The following L3MBTL4 variants were observed in gnomAD, a reference collection of about 807,000 sequenced individuals.
L3MBTL4 encodes the protein lethal(3)malignant brain tumor-like protein 4.
In L3MBTL4, 70 loss-of-function variants were observed where a neutral mutation model predicts 84.5. The ratio of observed to expected loss-of-function variants is 0.83; its 90% CI spans 0.68 to 1.01. L3MBTL4 has a LOEUF of 1.01. Ranked by LOEUF, L3MBTL4 falls within the 50% of genes least tolerant of loss-of-function variation. The pLI is 0.00. For missense variants in L3MBTL4, 715 were observed against 754.8 expected (o/e 0.95, Z 0.62); for synonymous variants, 274 against 259.8 (o/e 1.05, Z -0.52).
chr18:6,343,105 G>C (rs1407511363), intron 1 of L3MBTL4, among the ~76,000 whole-genome samples: 1 of 152,128 alleles, frequency 6.6e-6, no homozygotes, highest in African/African-American at 2.4e-5. Context: ...CAGAACTGAA[G>C]GGACTGAAGG....
At chr18:6,013,772 T>C (rs2145415913) in intron 16 of L3MBTL4, among the ~76,000 whole-genome samples, 1 of 152,376 alleles carries the variant, frequency 6.6e-6, no homozygotes, top group Middle Eastern at 3.4e-3. Context: ...GTTTTGTCTA[T>C]GATGATCCTC....
chr18:6,013,269 G>A (rs1270195008), intron 16 of L3MBTL4, among the ~76,000 whole-genome samples: 1 of 152,170 alleles, frequency 6.6e-6, no homozygotes, highest in East Asian at 1.9e-4. Flanking sequence ...GAACATCATA[G>A]TGAAGGGAAG....
intron 1 of L3MBTL4, among the ~76,000 whole-genome samples, chr18:6,412,521 C>T (rs1379444350): frequency 6.6e-6 from 1 of 152,048 alleles, no homozygotes; most frequent in African/African-American, 2.4e-5. Context: ...CTGGTGCTTC[C>T]TACGCAGCCT....
chr18:6,011,686 C>T (rs1443206810), intron 16 of L3MBTL4, among the ~76,000 whole-genome samples: 1 of 152,208 alleles, frequency 6.6e-6, no homozygotes, highest in Non-Finnish European at 1.5e-5. Context: ...ACTCCTTCTC[C>T]ATCCTCAACA....
intron 5 of L3MBTL4, among the ~76,000 whole-genome samples, chr18:6,251,642 CACCAT>C: frequency 6.6e-6 from 1 of 152,186 alleles, no homozygotes; most frequent in Non-Finnish European, 1.5e-5. Flanking sequence ...TTATAAGCAT[CACCAT>C]CCCCCTTGCT....
At chr18:6,254,469 T>C (rs2048056048) in intron 5 of L3MBTL4, among the ~76,000 whole-genome samples, 1 of 143,798 alleles carries the variant, frequency 7.0e-6, no homozygotes, top group Non-Finnish European at 1.5e-5. Flanking sequence ...GGGAAAATCA[T>C]CACCTACATA....
chr18:6,073,459 CTG>C (rs1305693883), intron 16 of L3MBTL4, among the ~76,000 whole-genome samples: 1 of 152,036 alleles, frequency 6.6e-6, no homozygotes, highest in Admixed American at 6.6e-5. Flanking sequence ...TTTTTCCTGT[CTG>C]TGAATTCATC....
intron 1 of L3MBTL4, among the ~76,000 whole-genome samples, chr18:6,352,357 T>A (rs941292882): frequency 6.6e-6 from 1 of 152,206 alleles, no homozygotes; most frequent in African/African-American, 2.4e-5. Context: ...CTTAGAACAG[T>A]CCATTCCACA....
intron 14 of L3MBTL4, among the ~76,000 whole-genome samples, chr18:6,124,434 T>TTA (rs1228528171): frequency 2.0e-5 from 3 of 148,032 alleles, no homozygotes; most frequent in African/African-American, 4.9e-5. Context: ...AGTTATATTA[T>TTA]TATATATATG....
intron 1 of L3MBTL4, among the ~76,000 whole-genome samples, chr18:6,402,888 C>T (rs1004822957): frequency 1.3e-5 from 2 of 152,196 alleles, no homozygotes; most frequent in Admixed American, 1.3e-4. Flanking sequence ...TGCCCTTCAG[C>T]AAACCCTCTG....
chr18:6,178,585 G>A lies in L3MBTL4; in HGVS notation c.982-6643C>T, dbSNP rs2044326987. Reference sequence around the variant, plus strand: ...ATCTGGGTTTGCATAAAATAAACATGTAGACCCTTCTTGCTCAAGCTTTGA... The same window carrying A: ...ATCTGGGTTTGCATAAAATAAACATATAGACCCTTCTTGCTCAAGCTTTGA... On this transcript the variant is annotated intron_variant, in intron 12 of 18. Coordinates refer to ENST00000317931, the MANE Select transcript of L3MBTL4 (RefSeq NM_001330559.2). Among the ~76,000 whole-genome samples the A allele has an allele frequency of 2.0e-5, 3 of 152,116 alleles. No individual in the cohort carries two copies. The South Asian group carries it at 6.2e-4, about 32-fold the overall frequency.
intron 4 of L3MBTL4, among the ~76,000 whole-genome samples, chr18:6,284,461 C>G (rs1253832216): frequency 6.6e-6 from 1 of 152,172 alleles, no homozygotes; most frequent in East Asian, 1.9e-4. Context: ...GCAAAAGGGC[C>G]GGGAGGAGGA....
At chr18:6,115,030 T>C (rs1422071465) in intron 14 of L3MBTL4, among the ~76,000 whole-genome samples, 2 of 152,156 alleles carry the variant, frequency 1.3e-5, no homozygotes, top group Non-Finnish European at 2.9e-5. Context: ...GTTCACCAAG[T>C]GAAGTGTCGG....
intron 1 of L3MBTL4, among the ~76,000 whole-genome samples, chr18:6,325,586 C>T (rs1334541556): frequency 6.6e-6 from 1 of 152,034 alleles, no homozygotes; most frequent in East Asian, 1.9e-4. Context: ...AAGTAAACTG[C>T]CTTTTTACTT....
At chr18:6,402,747 T>A (rs1200442161) in intron 1 of L3MBTL4, among the ~76,000 whole-genome samples, 1 of 152,100 alleles carries the variant, frequency 6.6e-6, no homozygotes, top group African/African-American at 2.4e-5. Context: ...AAGGCGGAAG[T>A]TTTAGAAGAA....
chr18:6,230,541 A>G (rs1372480038), intron 10 of L3MBTL4, among the ~76,000 whole-genome samples: 1 of 152,174 alleles, frequency 6.6e-6, no homozygotes, highest in Non-Finnish European at 1.5e-5. Context: ...TGAGATGAGC[A>G]TACACATGCA....
chr18:6,261,861 C>T (rs1036593655), intron 5 of L3MBTL4, among the ~76,000 whole-genome samples: 1 of 152,170 alleles, frequency 6.6e-6, no homozygotes, highest in Non-Finnish European at 1.5e-5. Context: ...AGGAGCTGGA[C>T]AGGGAATCTA....
chr18:6,184,364 T>C (rs568264731), intron 12 of L3MBTL4, among the ~76,000 whole-genome samples: 5 of 152,334 alleles, frequency 3.3e-5, no homozygotes, highest in Admixed American at 1.3e-4. Context: ...AGCATATTTG[T>C]TGAAGCATTA....
At chr18:6,233,706 A>G (rs2047092377) in intron 10 of L3MBTL4, among the ~76,000 whole-genome samples, 2 of 152,164 alleles carry the variant, frequency 1.3e-5, no homozygotes, top group African/African-American at 4.8e-5. Flanking sequence ...GCTCATGGGT[A>G]GGAAGAATCA....
Sources: allele counts gnomAD v4.1 joint callset (sites outside exome capture counted in the v4.1 genomes callset), GRCh38; gene constraint gnomAD v4.1.1; transcripts MANE v1.5; gene names NCBI Gene and HGNC (gene_info 2026-07-23, HGNC 2026-07-21).